FGFR2: variants seen among roughly 807,000 people sequenced by gnomAD.
FGFR2 encodes fibroblast growth factor receptor 2, also known as BEK fibroblast growth factor receptor.
Under a neutral mutation model 95.9 loss-of-function variants are expected in FGFR2, and 19 were observed. That is an observed-to-expected ratio of 0.20 (90% confidence interval 0.14 to 0.29). FGFR2 has a LOEUF of 0.29. Among genes scored for constraint, FGFR2 ranks in the 10% least tolerant of loss-of-function variants. The probability of loss-of-function intolerance (pLI) is 1.00; values close to 1 mark genes in which losing one functional copy is unlikely to be tolerated. For missense variants in FGFR2, 707 were observed against 1,056.9 expected, an observed-to-expected ratio of 0.67 and a Z score of 4.59; for synonymous variants, 392 against 393.3, an observed-to-expected ratio of 1.00 and a Z score of 0.04.
chr10:121,524,232 T>C (rs2134381045), intron 6 of FGFR2, among the ~76,000 whole-genome samples: 1 of 152,120 alleles, frequency 6.6e-6, no homozygotes, highest in Non-Finnish European at 1.5e-5. Context: ...GAATTCATCT[T>C]TTCAAATTTT....
At chr10:121,522,234 A>G (rs1174860929) in intron 6 of FGFR2, among the ~76,000 whole-genome samples, 2 of 152,238 alleles carry the variant, frequency 1.3e-5, no homozygotes, top group East Asian at 3.8e-4. Flanking sequence ...GCCTATAGTC[A>G]ACAACAACGT....
chr10:121,522,211 T>C (rs1850659348), intron 6 of FGFR2, among the ~76,000 whole-genome samples: 1 of 152,242 alleles, frequency 6.6e-6, no homozygotes, highest in Non-Finnish European at 1.5e-5. Flanking sequence ...AGAGACCTGC[T>C]GCACAGCATC....
rs1262142477 is a variant in FGFR2, at chr10:121,560,766, A to C, written c.454+3736T>G. On this transcript the variant is annotated intron_variant, in intron 4 of 17. Coordinates refer to ENST00000358487, the MANE Select transcript of FGFR2 (RefSeq NM_000141.5). The stretch of plus-strand genomic sequence containing the variant: ...TCACCTTATTATCCACTGTTTTACG[A>C]ACAAGACCACTAACAGTAAGCTCCC... Among the ~76,000 whole-genome samples the C allele has an allele frequency of 5.3e-5, 8 of 152,114 alleles. No homozygotes were observed. In the East Asian group the frequency reaches 1.3e-3, roughly 26 times the overall value.
intron 7 of FGFR2, among the ~76,000 whole-genome samples, chr10:121,519,071 T>C (rs1850129309): frequency 6.6e-6 from 1 of 152,150 alleles, no homozygotes; most frequent in African/African-American, 2.4e-5. Context: ...GGTCCCCAGG[T>C]TGGTCATCTT....
chr10:121,593,877 G>T lies in FGFR2; in HGVS notation c.-60C>A. The T allele has an allele frequency of 6.7e-7, 1 of 1,485,144 alleles. No individual in the cohort carries two copies. Among genetic ancestry groups the T allele is most frequent in the Non-Finnish European group, 9.4e-7 (1 of 1,062,522 alleles). 92.0% of individuals were successfully genotyped at this position (1,485,144 alleles called of 1,614,324 possible). On this transcript the variant is annotated 5_prime_UTR_variant, in exon 2 of 18. It introduces an in-frame stop codon into an upstream open reading frame of the 5' UTR. Transcript: ENST00000358487. ...CTCCATGTGGACGTTAATCCCATCT[G>T]CACACTTCCTCTACGGGCATGGACT...
intron 12 of FGFR2, 102 bp downstream of exon 12, chr10:121,498,393 A>C: frequency 1.3e-6 from 1 of 797,892 alleles, no homozygotes. Context: ...AAACATGCAC[A>C]CAGGGTGCTC....
intron 17 of FGFR2, among the ~76,000 whole-genome samples, chr10:121,481,608 C>G (rs3135819): frequency 0.042 from 6,457 of 152,152 alleles, 186 homozygotes; most frequent in Non-Finnish European, 0.067. Context: ...CTAAATGGAA[C>G]CGTTTTTCTT....
chr10:121,482,287 T>A, intron 17 of FGFR2: 1 of 900,744 alleles, frequency 1.1e-6, no homozygotes, highest in Non-Finnish European at 1.8e-6. Flanking sequence ...CTTCCCCCCC[T>A]TGAACCGTTC....
At chr10:121,490,154 CTTTTTTTTT>C (rs55633189) in intron 13 of FGFR2, among the ~76,000 whole-genome samples, 4 of 79,994 alleles carry the variant, frequency 5.0e-5, no homozygotes, top group Non-Finnish European at 8.9e-5. Context: ...ACTTTTCCTT[CTTTTTTTTT>C]TTTTTTTTTT....
chr10:121,522,547 C>T (rs1850706152), intron 6 of FGFR2, among the ~76,000 whole-genome samples: 1 of 152,080 alleles, frequency 6.6e-6, no homozygotes, highest in African/African-American at 2.4e-5. Flanking sequence ...CAGAGTGAGA[C>T]CCCGTCTTAG....
At chr10:121,500,745 G>C in intron 11 of FGFR2, 81 bp downstream of exon 11, 1 of 1,578,744 alleles carries the variant, frequency 6.3e-7, no homozygotes, top group Non-Finnish European at 8.6e-7. Context: ...TGCCATGATA[G>C]AGTTCACATG....
chr10:121,513,452 T>G (rs1849310755), intron 9 of FGFR2, among the ~76,000 whole-genome samples: 1 of 152,106 alleles, frequency 6.6e-6, no homozygotes, highest in African/African-American at 2.4e-5. Context: ...CTATATTAAG[T>G]AAAAAGAAAA....
rs754962831 is a variant in FGFR2, at chr10:121,517,174, T to A, written c.1084+145A>T. Reference sequence around the variant, plus strand: ...TGTGTGAATTTCCAAGGCAGTTTTCTTATCCCTGAGGGATCATTTTTAACA... The same window carrying A: ...TGTGTGAATTTCCAAGGCAGTTTTCATATCCCTGAGGGATCATTTTTAACA... On this transcript the variant is annotated intron_variant, in intron 8 of 17. Transcript: ENST00000358487. This position sits in a 1 kb window ranked among gnomAD's most constrained non-coding sequence, Gnocchi z 4.7. 2 of 900,432 alleles carry A rather than the reference T, an allele frequency of 2.2e-6. No homozygotes were observed. Among genetic ancestry groups the A allele is most frequent in the Non-Finnish European group, 3.5e-6 (2 of 566,540 alleles). The allele number at this position is 900,432 out of a possible 1,614,324, so 55.8% of individuals were successfully genotyped here.
At chr10:121,528,040 A>G (rs1302604292) in intron 6 of FGFR2, 3 of 151,880 alleles carry the variant, frequency 2.0e-5, no homozygotes, top group Non-Finnish European at 2.9e-5. Context: ...TCCAGGAATT[A>G]GGTATACCCT....
At chr10:121,516,109 C>T (rs1849673883) in intron 8 of FGFR2, among the ~76,000 whole-genome samples, 1 of 152,064 alleles carries the variant, frequency 6.6e-6, no homozygotes. Flanking sequence ...TTTATATCAA[C>T]TTCCAATGTC....
chr10:121,556,426 T>A (rs1384117999), intron 4 of FGFR2, among the ~76,000 whole-genome samples: 2 of 151,260 alleles, frequency 1.3e-5, no homozygotes, highest in Non-Finnish European at 2.9e-5. Flanking sequence ...TCTCTCTCTC[T>A]CTCTCTCTGG....
rs1378028142 is a variant in FGFR2 at position 121,488,093 on chromosome 10, T to C, written c.1884A>G (p.Ala628=). Residue 628 remains alanine, a synonymous_variant, in exon 14 of 18, where the codon GCA becomes GCG. Transcript: ENST00000358487. ...ASQKCIHRDL[A]ARNVLVTENN... ...TTTCTGTTACCAAAACATTTCTGGC[T>C]GCTAAATCTCGATGAATACACTGAA... The C allele has an allele frequency of 6.2e-7, 1 of 1,614,076 alleles. No individual in the cohort carries two copies. Among genetic ancestry groups the C allele is most frequent in the Non-Finnish European group, 8.5e-7 (1 of 1,180,048 alleles).
At chr10:121,543,266 T>C (rs1403741115) in intron 5 of FGFR2, among the ~76,000 whole-genome samples, 1 of 152,134 alleles carries the variant, frequency 6.6e-6, no homozygotes, top group Non-Finnish European at 1.5e-5. Flanking sequence ...TCCCAGCACT[T>C]TGGGAGGCCG....
At chr10:121,540,553 C>T (rs1412182127) in intron 5 of FGFR2, among the ~76,000 whole-genome samples, 1 of 152,168 alleles carries the variant, frequency 6.6e-6, no homozygotes. Context: ...GCATGGGACA[C>T]ATAGGTATAA....
Sources: allele counts gnomAD v4.1 joint callset (sites outside exome capture counted in the v4.1 genomes callset), GRCh38; gene constraint gnomAD v4.1.1; non-coding constraint Gnocchi (gnomAD v3.1); transcripts MANE v1.5; gene names NCBI Gene and HGNC (gene_info 2026-07-23, HGNC 2026-07-21).